Variants in NTM observed in about 807,000 individuals in gnomAD.
NTM encodes neurotrimin, also known as IgLON family member 2.
Under a neutral mutation model 42.1 loss-of-function variants are expected in NTM, and 13 were observed. That is an observed-to-expected ratio of 0.31 (90% CI 0.20 to 0.49). The LOEUF is 0.49. NTM is among the 20% of genes least tolerant of loss of function. The pLI is 0.99. For missense variants in NTM, 373 were observed against 452.8 expected (o/e 0.82, Z 1.60); for synonymous variants, 187 against 179.2 (o/e 1.04, Z -0.35).
intron 1 of NTM, among the ~76,000 whole-genome samples, chr11:131,683,988 C>T (rs1184295691): frequency 6.6e-6 from 1 of 152,192 alleles, no homozygotes; most frequent in Non-Finnish European, 1.5e-5. Context: ...CTGAATCAAA[C>T]CCCACTTGCT....
chr11:131,470,199 C>A (rs914664582), intron 1 of NTM, among the ~76,000 whole-genome samples: 13 of 152,116 alleles, frequency 8.5e-5, no homozygotes, highest in Admixed American at 8.5e-4. Context: ...GCTATTAGCC[C>A]GGGGTTAGAA....
At chr11:131,446,649 A>T (rs1316870431) in intron 1 of NTM, among the ~76,000 whole-genome samples, 3 of 152,180 alleles carry the variant, frequency 2.0e-5, no homozygotes, top group Non-Finnish European at 4.4e-5. Context: ...GGCCTCACCC[A>T]CAGCACTTGG....
chr11:132,254,214 A>G (rs922475717), intron 4 of NTM, among the ~76,000 whole-genome samples: 2 of 152,114 alleles, frequency 1.3e-5, no homozygotes, highest in Non-Finnish European at 2.9e-5. Context: ...GGCTAGAGAC[A>G]GACCTTATCT....
At chr11:131,805,251 A>G (rs1441204790) in intron 1 of NTM, among the ~76,000 whole-genome samples, 1 of 152,230 alleles carries the variant, frequency 6.6e-6, no homozygotes, top group Non-Finnish European at 1.5e-5. Context: ...TTACATGAGC[A>G]TGTACTATGC....
At chr11:131,537,629 C>T (rs1030261103) in intron 1 of NTM, 11 of 152,286 alleles carry the variant, frequency 7.2e-5, no homozygotes, top group African/African-American at 2.7e-4. Flanking sequence ...AGAGCAATTA[C>T]TGAGTATGTC....
At chr11:131,386,437 A>G (rs1565450291) in intron 1 of NTM, among the ~76,000 whole-genome samples, 1 of 152,260 alleles carries the variant, frequency 6.6e-6, no homozygotes, top group African/African-American at 2.4e-5. Flanking sequence ...ACACTTAGAA[A>G]TGGTTAAAAG....
At chr11:132,034,479 A>G (rs890207496) in intron 2 of NTM, among the ~76,000 whole-genome samples, 4 of 152,220 alleles carry the variant, frequency 2.6e-5, no homozygotes, top group Admixed American at 6.5e-5. Flanking sequence ...TGGCTGGAAG[A>G]TTAGCAGGTC....
intron 1 of NTM, among the ~76,000 whole-genome samples, chr11:131,639,051 T>G (rs2064801897): frequency 6.6e-6 from 1 of 152,116 alleles, no homozygotes; most frequent in Non-Finnish European, 1.5e-5. Context: ...CACAGAGAGG[T>G]CAAGTAACTT....
At chr11:131,527,354 C>G (rs2050647957) in intron 1 of NTM, among the ~76,000 whole-genome samples, 1 of 152,198 alleles carries the variant, frequency 6.6e-6, no homozygotes, top group Admixed American at 6.5e-5. Context: ...ATCTCTAGTT[C>G]TATAACCAAC....
intron 2 of NTM, among the ~76,000 whole-genome samples, chr11:131,930,526 T>A (rs1200593864): frequency 6.6e-6 from 1 of 152,228 alleles, no homozygotes; most frequent in Non-Finnish European, 1.5e-5. Context: ...TACCAGCATG[T>A]GCATAATATA....
At chr11:131,471,931 A>G (rs1368234865) in intron 1 of NTM, among the ~76,000 whole-genome samples, 1 of 152,184 alleles carries the variant, frequency 6.6e-6, no homozygotes, top group African/African-American at 2.4e-5. Context: ...AAATTTGCTT[A>G]TGGGAGAGAT....
At chr11:132,022,187 G>A (rs1171207906) in intron 2 of NTM, among the ~76,000 whole-genome samples, 1 of 152,198 alleles carries the variant, frequency 6.6e-6, no homozygotes, top group East Asian at 1.9e-4. Context: ...GAATACCACA[G>A]AGCCCCACAG....
chr11:132,079,389 C>A (rs2058745240), intron 2 of NTM, among the ~76,000 whole-genome samples: 1 of 152,136 alleles, frequency 6.6e-6, no homozygotes, highest in Non-Finnish European at 1.5e-5. Context: ...AGCATCAACA[C>A]CTATAAACTC....
At chr11:132,213,394 C>T (rs1252360103) in intron 4 of NTM, among the ~76,000 whole-genome samples, 2 of 152,046 alleles carry the variant, frequency 1.3e-5, no homozygotes, top group African/African-American at 2.4e-5. Context: ...TCCTCTACAT[C>T]GGCACAGCAG....
At chr11:131,438,337 G>T (rs1006640286) in intron 1 of NTM, among the ~76,000 whole-genome samples, 3 of 151,770 alleles carry the variant, frequency 2.0e-5, no homozygotes, top group Non-Finnish European at 4.4e-5. Context: ...TGCCTTGCTA[G>T]GTTGGGGAAG....
chr11:132,065,447 C>T (rs2081295984), intron 2 of NTM, among the ~76,000 whole-genome samples: 2 of 152,154 alleles, frequency 1.3e-5, no homozygotes, highest in Admixed American at 6.6e-5. Context: ...ATCTCCTGCA[C>T]CAGATTCCAC....
intron 1 of NTM, among the ~76,000 whole-genome samples, chr11:131,542,430 C>T (rs966896867): frequency 2.0e-4 from 30 of 152,258 alleles, no homozygotes; most frequent in Middle Eastern, 3.4e-3. Context: ...ATTTTCCAGA[C>T]GCTCCCATGG....
At chr11:132,256,836 C>T (rs547841370) in intron 4 of NTM, among the ~76,000 whole-genome samples, 88 of 152,344 alleles carry the variant, frequency 5.8e-4, no homozygotes, top group African/African-American at 1.2e-3. Flanking sequence ...CTGCCGCCCA[C>T]GGACCCGTGT....
At chr11:132,017,712 G>A (rs2073657638) in intron 2 of NTM, among the ~76,000 whole-genome samples, 1 of 151,930 alleles carries the variant, frequency 6.6e-6, no homozygotes, top group African/African-American at 2.4e-5. Flanking sequence ...AATAGGGATT[G>A]CATTTAGTTT....
Sources: gnomAD v4.1 joint callset for allele counts (sites outside exome capture counted in the v4.1 genomes callset) on GRCh38, gnomAD v4.1.1 for gene constraint, MANE v1.5 for transcripts, NCBI Gene and HGNC (gene_info 2026-07-23, HGNC 2026-07-21) for gene names.